CDH13: variants seen among roughly 807,000 people sequenced by gnomAD.
CDH13 encodes cadherin-13.
In CDH13, 24 loss-of-function variants were observed where a neutral mutation model predicts 63.8. The ratio of observed to expected loss-of-function variants is 0.38; its 90% CI spans 0.27 to 0.53. CDH13 has a LOEUF of 0.53. CDH13 is among the 20% of genes least tolerant of loss of function. The probability of loss-of-function intolerance (pLI) is 0.85; values close to 1 mark genes in which losing one functional copy is unlikely to be tolerated. For synonymous variants in CDH13, 503 were observed against 355.3 expected, an observed-to-expected ratio of 1.42 and a Z score of -4.67; for missense variants, 1,049 against 903.1, an observed-to-expected ratio of 1.16 and a Z score of -2.07.
intron 1 of CDH13, among the ~76,000 whole-genome samples, chr16:82,671,462 C>T (rs1913233578): frequency 6.6e-6 from 1 of 152,198 alleles, no homozygotes; most frequent in South Asian, 2.1e-4. Context: ...CATGTCTTTT[C>T]AAATTTTTAA....
At chr16:83,524,197 T>G (rs1393963556) in intron 7 of CDH13, among the ~76,000 whole-genome samples, 1 of 152,136 alleles carries the variant, frequency 6.6e-6, no homozygotes, top group Non-Finnish European at 1.5e-5. Context: ...AATTTGCAGT[T>G]AAGAGAATAA....
rs555771610 is a variant in CDH13, at chr16:82,747,888, A to G, written c.46-110474A>G. ...AAGTGACAAAAGGCTAAAATTAACA[A>G]TAGAAAGGCATTTGTTTACATCCAG... is the stretch of plus-strand genomic sequence containing the variant. On this transcript the variant is annotated intron_variant, in intron 1 of 13. Coordinates refer to ENST00000567109, the MANE Select transcript of CDH13 (RefSeq NM_001257.5). Among the ~76,000 whole-genome samples the G allele has an allele frequency of 1.3e-4, 20 of 152,366 alleles. 1 individual carries two copies. The South Asian group carries it at 4.1e-3, about 32-fold the overall frequency.
chr16:82,997,337 A>T (rs1411562016), intron 2 of CDH13, among the ~76,000 whole-genome samples: 1 of 152,208 alleles, frequency 6.6e-6, no homozygotes, highest in Non-Finnish European at 1.5e-5. Flanking sequence ...ATACGTTTTC[A>T]CTAATTGTTG....
At chr16:82,755,231 C>T (rs533344848) in intron 1 of CDH13, among the ~76,000 whole-genome samples, 2 of 152,170 alleles carry the variant, frequency 1.3e-5, no homozygotes, top group African/African-American at 4.8e-5. Flanking sequence ...GCAGCTTGAG[C>T]CTCACCTTAA....
rs531353351 is a variant in CDH13, at chr16:82,684,102, C to T, written c.45+56965C>T. On this transcript the variant is annotated intron_variant, in intron 1 of 13. Transcript: ENST00000567109. ...TCGTGAATAGCCATGATCAAAGTAACCAGACAGGGAGTTAGAGGTTCAATC... is the reference window on the plus strand; with the variant it reads ...TCGTGAATAGCCATGATCAAAGTAATCAGACAGGGAGTTAGAGGTTCAATC... 6.3e-4 allele frequency among the ~76,000 whole-genome samples: 96 copies of T among 152,270 alleles called. 1 individual carries two copies. In the South Asian group the frequency reaches 6.8e-3, roughly 11 times the overall value.
At chr16:83,395,682 C>G (rs1197841706) in intron 6 of CDH13, among the ~76,000 whole-genome samples, 1 of 152,172 alleles carries the variant, frequency 6.6e-6, no homozygotes, top group African/African-American at 2.4e-5. Flanking sequence ...CTACAGCCAG[C>G]CGGTGGTCAC....
chr16:83,471,431 C>T (rs1175363384), intron 6 of CDH13, among the ~76,000 whole-genome samples: 3 of 152,184 alleles, frequency 2.0e-5, no homozygotes, highest in East Asian at 1.9e-4. Flanking sequence ...GCTGCCACAG[C>T]GCCCGGCTAA....
At chr16:82,933,432 G>A (rs1010322844) in intron 2 of CDH13, among the ~76,000 whole-genome samples, 5 of 152,114 alleles carry the variant, frequency 3.3e-5, no homozygotes, top group East Asian at 3.9e-4. Context: ...CCCCCAACAC[G>A]TGGGGATTAC....
intron 2 of CDH13, among the ~76,000 whole-genome samples, chr16:83,010,019 C>T (rs552820932): frequency 6.6e-6 from 1 of 151,634 alleles, no homozygotes; most frequent in Non-Finnish European, 1.5e-5. Flanking sequence ...CCTGTAATCC[C>T]AGCTACTCAG....
chr16:82,787,232 A>T (rs978805193), intron 1 of CDH13, among the ~76,000 whole-genome samples: 6 of 152,180 alleles, frequency 3.9e-5, no homozygotes, highest in Non-Finnish European at 7.3e-5. Context: ...TAAATAATTG[A>T]TTTGACTTCT....
At chr16:83,560,075 C>A (rs1457404356) in intron 7 of CDH13, among the ~76,000 whole-genome samples, 1 of 152,114 alleles carries the variant, frequency 6.6e-6, no homozygotes, top group African/African-American at 2.4e-5. Context: ...TCTAATAGAA[C>A]CCAGTGTCTC....
intron 10 of CDH13, among the ~76,000 whole-genome samples, chr16:83,683,012 G>T (rs1915532015): frequency 6.6e-6 from 1 of 152,174 alleles, no homozygotes; most frequent in Non-Finnish European, 1.5e-5. Context: ...ATGAGGAAAT[G>T]CACTTCTCAG....
chr16:83,430,325 C>G (rs1413610415), intron 6 of CDH13, among the ~76,000 whole-genome samples: 1 of 152,152 alleles, frequency 6.6e-6, no homozygotes, highest in Non-Finnish European at 1.5e-5. Context: ...GAGAAATACA[C>G]ACACATACTC....
rs1328822298 is a variant in CDH13, at chr16:83,080,880, T to TTTGTTG, written c.367-44503_367-44502insGTTGTT. Among the ~76,000 whole-genome samples the TTTGTTG allele has an allele frequency of 4.6e-4, 52 of 112,516 alleles. 2 individuals carry two copies. Among genetic ancestry groups the TTTGTTG allele is most frequent in the African/African-American group, 1.9e-3 (51 of 27,466 alleles). The allele number at this position is 112,516 out of a possible 152,430, so 73.8% of individuals were successfully genotyped here. A position where few individuals can be genotyped will look rare whatever the true frequency, so the allele number is the denominator to read the frequency against. On this transcript the variant is annotated intron_variant, in intron 3 of 13. Transcript: ENST00000567109. The stretch of plus-strand genomic sequence containing the variant: ...TTTGTTTTGTTTTTGTGTTTTTTTT[T>TTTGTTG]TTTTTTTTTTTTTTTTTTGAGACAG...
In CDH13 at chr16:82,965,988, A is replaced by C. The variant is rs552203987; in HGVS notation, c.158-66022A>C. Among the ~76,000 whole-genome samples the C allele has an allele frequency of 2.4e-3, 367 of 152,322 alleles. 3 individuals carry two copies. The highest frequency in any genetic ancestry group is 0.017 in the Middle Eastern group (5 of 294). ...TTCAGGGCATGAAAATATCCCTGTC[A>C]GCCAATCAGTCAACGAGTTGACCAA... On this transcript the variant is annotated intron_variant, in intron 2 of 13. Transcript: ENST00000567109.
At chr16:83,065,083 ACAAGTGAGAT>A (rs2031891181) in intron 3 of CDH13, among the ~76,000 whole-genome samples, 1 of 152,058 alleles carries the variant, frequency 6.6e-6, no homozygotes, top group Non-Finnish European at 1.5e-5. Flanking sequence ...GATTTCCCAT[ACAAGTGAGAT>A]CATGTGGTAT....
chr16:83,058,854 T>C (rs1188598240), intron 3 of CDH13, among the ~76,000 whole-genome samples: 1 of 152,242 alleles, frequency 6.6e-6, no homozygotes, highest in Admixed American at 6.5e-5. Flanking sequence ...ATTATCTCTC[T>C]TCCAGGACTC....
At chr16:82,979,709 T>G (rs1910006110) in intron 2 of CDH13, among the ~76,000 whole-genome samples, 1 of 152,216 alleles carries the variant, frequency 6.6e-6, no homozygotes, top group East Asian at 1.9e-4. Flanking sequence ...TAGGTATGTC[T>G]CTATTAGCAG....
At chr16:82,725,466 G>T (rs554969021) in intron 1 of CDH13, among the ~76,000 whole-genome samples, 3 of 152,150 alleles carry the variant, frequency 2.0e-5, no homozygotes, top group African/African-American at 7.2e-5. Context: ...CAACTCCTCA[G>T]AGCCCCAGCT....
Sources: gnomAD v4.1 joint callset for allele counts (sites outside exome capture counted in the v4.1 genomes callset) on GRCh38, gnomAD v4.1.1 for gene constraint, MANE v1.5 for transcripts, NCBI Gene and HGNC (gene_info 2026-07-23, HGNC 2026-07-21) for gene names.